Variants in MAP2K4 observed in about 807,000 individuals in gnomAD.
MAP2K4 encodes the protein dual specificity mitogen-activated protein kinase kinase 4.
In MAP2K4, 4 loss-of-function variants were observed where a neutral mutation model predicts 48.5. That is an observed-to-expected ratio of 0.08 (90% CI 0.04 to 0.19). MAP2K4 has a LOEUF of 0.19. Ranked by LOEUF, MAP2K4 falls within the 10% of genes least tolerant of loss-of-function variation. The pLI is 1.00. For synonymous variants in MAP2K4, 166 were observed against 173.1 expected, an observed-to-expected ratio of 0.96 and a Z score of 0.32; for missense variants, 258 against 493.3, an observed-to-expected ratio of 0.52 and a Z score of 4.52.
At chr17:12,065,280 T>TG (rs1567641166) in intron 2 of MAP2K4, among the ~76,000 whole-genome samples, 1 of 145,170 alleles carries the variant, frequency 6.9e-6, no homozygotes, top group Non-Finnish European at 1.5e-5. Flanking sequence ...TTATTATTAT[T>TG]ATTATTATTA....
At chr17:12,037,795 A>G (rs962595215) in intron 1 of MAP2K4, among the ~76,000 whole-genome samples, 6 of 152,184 alleles carry the variant, frequency 3.9e-5, no homozygotes, top group African/African-American at 1.4e-4. Context: ...AAGCCCAGGA[A>G]TTGTAGAAGT....
chr17:12,060,790 A>G (rs1970427382), intron 2 of MAP2K4, among the ~76,000 whole-genome samples: 1 of 151,862 alleles, frequency 6.6e-6, no homozygotes, highest in African/African-American at 2.4e-5. Context: ...ACTGCTGCGA[A>G]TCTTTTTTCT....
At chr17:12,099,109 A>C (rs1971851714) in intron 4 of MAP2K4, among the ~76,000 whole-genome samples, 1 of 151,870 alleles carries the variant, frequency 6.6e-6, no homozygotes, top group African/African-American at 2.4e-5. Flanking sequence ...CCATGTGTGC[A>C]CATGATTTAG....
intron 1 of MAP2K4, among the ~76,000 whole-genome samples, chr17:12,024,140 A>G (rs28918084): frequency 0.26 from 39,263 of 152,012 alleles, 5,495 homozygotes; most frequent in Middle Eastern, 0.35. Context: ...ATTTTATTCT[A>G]CTTCAAACTC....
chr17:12,129,087 A>C, intron 8 of MAP2K4, 52 bp from the exon 9 acceptor site: 1 of 1,583,756 alleles, frequency 6.3e-7, no homozygotes, highest in South Asian at 1.1e-5. Context: ...TCCAGTGGGG[A>C]GTAGTAAATG....
At chr17:12,028,896 G>C (rs1387221573) in intron 1 of MAP2K4, among the ~76,000 whole-genome samples, 2 of 152,036 alleles carry the variant, frequency 1.3e-5, no homozygotes, top group African/African-American at 4.8e-5. Context: ...TTAGATTTAG[G>C]CACACTGTTT....
At position 12,045,204 on chromosome 17, in the gene MAP2K4, A is replaced by G. The variant is rs547604766; in HGVS notation, c.116-9685A>G. On this transcript the variant is annotated intron_variant, in intron 1 of 10. Transcript: ENST00000353533. ...TACACATTTTTTTTTTCATATGCACATATAAAAAAGGTTTGGAAGCACTGA... is the reference window on the plus strand; with the variant it reads ...TACACATTTTTTTTTTCATATGCACGTATAAAAAAGGTTTGGAAGCACTGA... Among the ~76,000 whole-genome samples the G allele has an allele frequency of 3.9e-5, 6 of 152,226 alleles. No homozygotes were observed. The East Asian group carries it at 1.2e-3, about 29-fold the overall frequency.
Position 12,141,351 on chromosome 17 carries a change from C to A in MAP2K4, c.*91C>A. 1 of 872,754 alleles carries A rather than the reference C, an allele frequency of 1.1e-6. No individual in the cohort carries two copies. The highest frequency in any genetic ancestry group is 1.9e-6 in the Non-Finnish European group (1 of 515,216). The allele number at this position is 872,754 out of a possible 1,614,324, so 54.1% of individuals were successfully genotyped here. A position where few individuals can be genotyped will look rare whatever the true frequency, so the allele number is the denominator to read the frequency against. Reference sequence around the variant, plus strand: ...CCCGTATCACAGTGTTTTTATTGCTCGCCCAGACACCATGTGCAATAAGAT... The same window carrying A: ...CCCGTATCACAGTGTTTTTATTGCTAGCCCAGACACCATGTGCAATAAGAT... On this transcript the variant is annotated 3_prime_UTR_variant, in exon 11 of 11. Transcript: ENST00000353533.
intron 2 of MAP2K4, among the ~76,000 whole-genome samples, chr17:12,057,710 T>A (rs947158822): frequency 6.6e-6 from 1 of 152,080 alleles, no homozygotes; most frequent in South Asian, 2.1e-4. Context: ...TAAAAAAAAA[T>A]GTGTTCCGTC....
rs1168805084 is a variant in MAP2K4 at position 12,141,171 on chromosome 17, G to A, written c.1111G>A (p.Glu371Lys). The change falls in exon 11 of 11, where the codon GAA (glutamate) becomes AAA (lysine). Residue 371 changes from glutamate (E) to lysine (K), a missense_variant. Glu to Lys is a moderately conservative substitution (Grantham distance 56). Around this residue, in one of 3 missense-constraint regions of MAP2K4, gnomAD observed 57 missense variants for 84.3 expected, o/e 0.68. Coordinates refer to ENST00000353533, the MANE Select transcript of MAP2K4 (RefSeq NM_003010.4). ...LLKHPFILMY[E>K]ERAVEVACYV... ...GAAACATCCCTTTATTTTGATGTAT[G>A]AAGAACGTGCCGTTGAGGTCGCATG... The A allele has an allele frequency of 1.9e-6, 3 of 1,613,064 alleles. No homozygotes were observed. Among genetic ancestry groups the A allele is most frequent in the Non-Finnish European group, 2.5e-6 (3 of 1,179,226 alleles).
intron 7 of MAP2K4, among the ~76,000 whole-genome samples, chr17:12,122,888 A>G (rs900558744): frequency 2.6e-5 from 4 of 152,158 alleles, no homozygotes; most frequent in Non-Finnish European, 4.4e-5. Context: ...ATTTATTGAG[A>G]TGATCACATT....
chr17:12,103,759 A>G (rs1013861364), intron 4 of MAP2K4, among the ~76,000 whole-genome samples: 1 of 152,132 alleles, frequency 6.6e-6, no homozygotes, highest in Non-Finnish European at 1.5e-5. Context: ...GGAATCCTAT[A>G]TGCGTTCTTT....
chr17:12,107,113 A>G (rs1357598491), intron 4 of MAP2K4, among the ~76,000 whole-genome samples: 1 of 152,178 alleles, frequency 6.6e-6, no homozygotes, highest in African/African-American at 2.4e-5. Context: ...AATTATAGCC[A>G]GCATCCAGTC....
chr17:12,074,327 T>C (rs567929775), intron 2 of MAP2K4, among the ~76,000 whole-genome samples: 24 of 152,332 alleles, frequency 1.6e-4, no homozygotes, highest in African/African-American at 5.3e-4. Context: ...CAGAGATTAT[T>C]GTGTGATGGC....
chr17:12,083,296 A>T (rs966971675), intron 3 of MAP2K4, among the ~76,000 whole-genome samples: 1 of 152,190 alleles, frequency 6.6e-6, no homozygotes, highest in Non-Finnish European at 1.5e-5. Flanking sequence ...TGCTTACTCA[A>T]GTTTTGTAGG....
chr17:12,033,361 C>A (rs915018595), intron 1 of MAP2K4, among the ~76,000 whole-genome samples: 2 of 151,808 alleles, frequency 1.3e-5, no homozygotes, highest in African/African-American at 4.8e-5. Context: ...CTGGAAAAAA[C>A]ATTTCTGCTA....
chr17:12,139,113 C>A (rs1172684933), intron 9 of MAP2K4, among the ~76,000 whole-genome samples: 1 of 152,052 alleles, frequency 6.6e-6, no homozygotes, highest in Non-Finnish European at 1.5e-5. Flanking sequence ...ACTATGTTAC[C>A]CATATTAATT....
At chr17:12,055,280 G>C (rs758613013) in intron 2 of MAP2K4, among the ~76,000 whole-genome samples, 6 of 152,086 alleles carry the variant, frequency 3.9e-5, no homozygotes, top group Non-Finnish European at 7.4e-5. Flanking sequence ...TAAATTGAAA[G>C]AGTTGTGTAC....
chr17:12,030,360 G>T (rs183904057), intron 1 of MAP2K4, among the ~76,000 whole-genome samples: 1 of 152,168 alleles, frequency 6.6e-6, no homozygotes, highest in African/African-American at 2.4e-5. Context: ...TGGAGAGATG[G>T]ATGTTTGGAT....
Sources: allele counts gnomAD v4.1 joint callset (sites outside exome capture counted in the v4.1 genomes callset), GRCh38; gene constraint gnomAD v4.1.1; regional missense constraint gnomAD v4.1.1; transcripts MANE v1.5; gene names NCBI Gene and HGNC (gene_info 2026-07-23, HGNC 2026-07-21).